The following CEP97 variants were observed in gnomAD, a reference collection of about 807,000 sequenced individuals.
CEP97 encodes centrosomal protein of 97 kDa.
A neutral mutation model predicts 73.1 loss-of-function variants in CEP97; 43 were observed. The observed-to-expected ratio is 0.59, with a 90% confidence interval of 0.46 to 0.76. The LOEUF is 0.76. Among genes scored for constraint, CEP97 ranks in the 30% least tolerant of loss-of-function variants. CEP97 has a pLI of 0.00. For missense variants in CEP97, 939 were observed against 1,014.0 expected, an observed-to-expected ratio of 0.93 and a Z score of 1.00; for synonymous variants, 337 against 370.0, an observed-to-expected ratio of 0.91 and a Z score of 1.02.
intron 10 of CEP97, among the ~76,000 whole-genome samples, chr3:101,764,399 G>T (rs1041089829): frequency 6.6e-6 from 1 of 152,144 alleles, no homozygotes; most frequent in African/African-American, 2.4e-5. Context: ...ATCACCTGAC[G>T]TCAGGAGTTT....
intron 3 of CEP97, among the ~76,000 whole-genome samples, 191 bp downstream of exon 3, chr3:101,727,732 A>G (rs1430458911): frequency 6.6e-6 from 1 of 152,242 alleles, no homozygotes; most frequent in Non-Finnish European, 1.5e-5. Context: ...AATTTGAACA[A>G]AGAATCTATA....
In CEP97 at chr3:101,758,180, A is replaced by G; in HGVS notation, c.1574A>G (p.Asn525Ser). Reference sequence around the variant, plus strand: ...AAACCAGAAAATACACAACCAGAAAATAAAGAAACCATATCTCAAGCAACT... The same window carrying G: ...AAACCAGAAAATACACAACCAGAAAGTAAAGAAACCATATCTCAAGCAACT... ...IKKPENTQPENKETISQATSE... is the reference protein window; with the variant it reads ...IKKPENTQPESKETISQATSE... The change falls in exon 9 of 11, where the codon AAT becomes AGT. Residue 525 changes from asparagine (N) to serine (S), a missense_variant. Transcript: ENST00000341893. 1 of 1,613,450 alleles carries G rather than the reference A, an allele frequency of 6.2e-7. No homozygotes were observed. Among genetic ancestry groups the G allele is most frequent in the Non-Finnish European group, 8.5e-7 (1 of 1,179,880 alleles).
At chr3:101,750,365 G>T (rs1204585860) in intron 6 of CEP97, among the ~76,000 whole-genome samples, 1 of 151,072 alleles carries the variant, frequency 6.6e-6, no homozygotes, top group Non-Finnish European at 1.5e-5. Context: ...TCTCTGTTTT[G>T]GTACCAGTAC....
At chr3:101,761,038 T>G (rs1000265113) in intron 9 of CEP97, among the ~76,000 whole-genome samples, 1 of 151,942 alleles carries the variant, frequency 6.6e-6, no homozygotes, top group African/African-American at 2.4e-5. Context: ...ATTTTTTTTT[T>G]GCATTTTTAG....
intron 6 of CEP97, among the ~76,000 whole-genome samples, chr3:101,753,985 A>G (rs13084432): frequency 0.38 from 55,404 of 147,694 alleles, 10,710 homozygotes; most frequent in African/African-American, 0.47. Flanking sequence ...GAAATCACCC[A>G]TCTTCTGCAT....
At chr3:101,749,605 C>T (rs1319760262) in intron 6 of CEP97, among the ~76,000 whole-genome samples, 1 of 127,914 alleles carries the variant, frequency 7.8e-6, no homozygotes. Context: ...GTTTACAGTC[C>T]CACCAACAGT....
chr3:101,765,064 A>G lies in CEP97; in HGVS notation c.2111A>G (p.His704Arg), dbSNP rs766616441. The change falls in exon 11 of 11, where the codon CAT (histidine) becomes CGT (arginine). Residue 704 changes from histidine to arginine, a missense_variant. Coordinates refer to ENST00000341893, the MANE Select transcript of CEP97 (RefSeq NM_024548.4). ...CCAGAATTTCCAGACTCTGGTTTTC[A>G]TTCCTCTCTAACAGAACAAGTTCAT... is the stretch of plus-strand genomic sequence containing the variant. ...SLPEFPDSGFHSSLTEQVHSL... is the reference protein window; with the variant it reads ...SLPEFPDSGFRSSLTEQVHSL... 27 of 1,614,130 alleles carry G rather than the reference A, an allele frequency of 1.7e-5. No homozygotes were observed. The highest frequency in any genetic ancestry group is 1.9e-5 in the Non-Finnish European group (22 of 1,180,014).
chr3:101,750,684 T>C (rs1329572037), intron 6 of CEP97, among the ~76,000 whole-genome samples: 3 of 152,234 alleles, frequency 2.0e-5, no homozygotes, highest in African/African-American at 7.2e-5. Flanking sequence ...TTCTTGATTT[T>C]CTAGTTTATT....
chr3:101,727,590 T>C, intron 3 of CEP97, 49 bp downstream of exon 3: 4 of 1,511,678 alleles, frequency 2.6e-6, no homozygotes, highest in Non-Finnish European at 2.7e-6. Flanking sequence ...TAAAAAAAAT[T>C]CAAGCAATGT....
rs1939046537 is a variant in CEP97, at chr3:101,757,635, AC to A, written c.1032del (p.Val345SerfsTer4). On this transcript the variant is annotated frameshift_variant and splice_region_variant, in exon 9 of 11. Coordinates refer to ENST00000341893, the MANE Select transcript of CEP97 (RefSeq NM_024548.4). LOFTEE classifies it high-confidence loss of function. ...ATGATACTCTGTTGATTCTTCTAGA[AC>A]CCGTCATTCAAGTGAATTCTTGGGT... ...QDCQISQESE[P>X]VIQVNSWVGI... 1 of 1,611,368 alleles carries A rather than the reference AC, an allele frequency of 6.2e-7. No individual in the cohort carries two copies. Among genetic ancestry groups the A allele is most frequent in the Non-Finnish European group, 8.5e-7 (1 of 1,178,002 alleles).
At chr3:101,733,562 G>A (rs1209569702) in intron 6 of CEP97, among the ~76,000 whole-genome samples, 1 of 149,548 alleles carries the variant, frequency 6.7e-6, no homozygotes, top group African/African-American at 2.5e-5. Context: ...ACGGAGTCTC[G>A]CTCTGTCGCC....
rs2107205278 is a variant in CEP97 at position 101,769,532 on chromosome 3, T to G, written c.*3981T>G. The G allele has an allele frequency of 6.6e-6, 1 of 152,228 alleles. No homozygotes were observed. The highest frequency in any genetic ancestry group is 1.5e-5 in the Non-Finnish European group (1 of 68,048). The allele number at this position is 152,228 out of a possible 1,614,324, so 9.4% of individuals were successfully genotyped here. ...GGTTTCACCATGTTGGCCAGGCTGG[T>G]CTCGAACTCCTGACCTCAAGTGATC... On this transcript the variant is annotated 3_prime_UTR_variant, in exon 11 of 11. Transcript: ENST00000341893.
intron 9 of CEP97, among the ~76,000 whole-genome samples, chr3:101,761,536 A>G (rs757974436): frequency 7.2e-5 from 11 of 152,166 alleles, no homozygotes; most frequent in Non-Finnish European, 8.8e-5. Context: ...GAAATTTAGC[A>G]GGATGGCAGG....
chr3:101,754,333 T>G (rs983540485), intron 6 of CEP97, among the ~76,000 whole-genome samples: 3 of 152,180 alleles, frequency 2.0e-5, no homozygotes, highest in African/African-American at 7.2e-5. Context: ...ACAATGCTAT[T>G]ATCACATCTT....
In CEP97 at chr3:101,733,926, A is replaced by C. The variant is rs571395229; in HGVS notation, c.728+1272A>C. On this transcript the variant is annotated intron_variant, in intron 6 of 10. Coordinates refer to ENST00000341893, the MANE Select transcript of CEP97 (RefSeq NM_024548.4). Reference sequence around the variant, plus strand: ...ATCACAACCTCCACCTCCTGGGTTCAAGCGATTCTTCTGCCTCAGCCTCCC... The same window carrying C: ...ATCACAACCTCCACCTCCTGGGTTCCAGCGATTCTTCTGCCTCAGCCTCCC... Among the ~76,000 whole-genome samples the C allele has an allele frequency of 3.3e-5, 5 of 152,248 alleles. No homozygotes were observed. The South Asian group carries it at 8.3e-4, about 25-fold the overall frequency.
rs1413853505 is a variant in CEP97 at position 101,768,159 on chromosome 3, A to G, written c.*2608A>G. On this transcript the variant is annotated 3_prime_UTR_variant, in exon 11 of 11. Coordinates refer to ENST00000341893, the MANE Select transcript of CEP97 (RefSeq NM_024548.4). ...TCCTGCAGAAGCACAGAATCATACC[A>G]TGTAAGAGTTGGAAGGAAGCTTAAG... 1.3e-5 allele frequency: 2 copies of G among 152,242 alleles called. No individual in the cohort carries two copies. The highest frequency in any genetic ancestry group is 4.8e-5 in the African/African-American group (2 of 41,466). 9.4% of individuals were successfully genotyped at this position (152,242 alleles called of 1,614,324 possible).
chr3:101,733,587 G>C (rs947070669), intron 6 of CEP97, among the ~76,000 whole-genome samples: 11 of 151,100 alleles, frequency 7.3e-5, no homozygotes, highest in Non-Finnish European at 1.0e-4. Context: ...CTGGAGTGCA[G>C]TGGCGGGATC....
Position 101,765,000 on chromosome 3 carries a change from T to C in CEP97, c.2047T>C (p.Phe683Leu). Residue 683 changes from phenylalanine to leucine, a missense_variant, in exon 11 of 11, where the codon TTT becomes CTT. Phe to Leu is a conservative substitution (Grantham distance 22). Transcript: ENST00000341893. ...CTCTTGTGATCAAAATGCTGATTGG[T>C]TTATTGCTTCTGATGTAGCTCCTCA... is the stretch of plus-strand genomic sequence containing the variant. ...ESSCDQNADWFIASDVAPQEK... is the reference protein window; with the variant it reads ...ESSCDQNADWLIASDVAPQEK... 1 of 1,614,150 alleles carries C rather than the reference T, an allele frequency of 6.2e-7. No individual in the cohort carries two copies. The highest frequency in any genetic ancestry group is 8.5e-7 in the Non-Finnish European group (1 of 1,180,024).
At position 101,765,325 on chromosome 3, in the gene CEP97, T is replaced by C. The variant is rs750411514; in HGVS notation, c.2372T>C (p.Phe791Ser). The change falls in exon 11 of 11, where the codon TTT (phenylalanine) becomes TCT (serine). Residue 791 changes from phenylalanine (F) to serine (S), a missense_variant. Phe to Ser is a radical substitution (Grantham distance 155). Coordinates refer to ENST00000341893, the MANE Select transcript of CEP97 (RefSeq NM_024548.4). The stretch of plus-strand genomic sequence containing the variant: ...GAAGATGCTGATGAGAGGACCAATT[T>C]TGATACAGAGACAAGAGATAGCAAA... Reference protein sequence around the residue: ...QLEDADERTNFDTETRDSKLH... With the variant: ...QLEDADERTNSDTETRDSKLH... 5 of 1,614,024 alleles carry C rather than the reference T, an allele frequency of 3.1e-6. No homozygotes were observed. Among genetic ancestry groups the C allele is most frequent in the Middle Eastern group, 3.3e-4 (2 of 6,084 alleles).
Sources: allele counts gnomAD v4.1 joint callset (sites outside exome capture counted in the v4.1 genomes callset), GRCh38; gene constraint gnomAD v4.1.1; transcripts MANE v1.5; gene names NCBI Gene and HGNC (gene_info 2026-07-23, HGNC 2026-07-21).